EPHA3: variants seen among roughly 807,000 people sequenced by gnomAD.
EPHA3 encodes EPH receptor A3.
Under a neutral mutation model 107.1 loss-of-function variants are expected in EPHA3, and 42 were observed. The ratio of observed to expected loss-of-function variants is 0.39; its 90% CI spans 0.31 to 0.51. EPHA3 has a LOEUF of 0.51. Ranked by LOEUF, EPHA3 falls within the 20% of genes least tolerant of loss-of-function variation. The pLI is 0.78. For missense variants in EPHA3, 1,183 were observed against 1,211.2 expected (o/e 0.98, Z 0.35); for synonymous variants, 461 against 424.8 (o/e 1.09, Z -1.05).
chr3:89,308,114 G>A (rs1046091241), intron 3 of EPHA3, among the ~76,000 whole-genome samples: 1 of 152,028 alleles, frequency 6.6e-6, no homozygotes, highest in African/African-American at 2.4e-5. Context: ...TAATGGTTGA[G>A]TGTGCATTAT....
chr3:89,422,361 A>T (rs1272000912), intron 11 of EPHA3, among the ~76,000 whole-genome samples: 2 of 151,458 alleles, frequency 1.3e-5, no homozygotes, highest in African/African-American at 4.8e-5. Flanking sequence ...ATGCACACAC[A>T]CACACACAAC....
chr3:89,177,921 C>G (rs1359202223), intron 2 of EPHA3, among the ~76,000 whole-genome samples: 2 of 152,066 alleles, frequency 1.3e-5, no homozygotes, highest in Non-Finnish European at 2.9e-5. Context: ...TTACTACACT[C>G]AGAATTTTCC....
intron 9 of EPHA3, among the ~76,000 whole-genome samples, chr3:89,412,645 T>C (rs1709176944): frequency 6.6e-6 from 1 of 151,762 alleles, no homozygotes. Context: ...TGTCAGAAGG[T>C]ATGCCATTAT....
intron 2 of EPHA3, among the ~76,000 whole-genome samples, chr3:89,138,031 G>A (rs986604966): frequency 6.6e-6 from 1 of 151,856 alleles, no homozygotes; most frequent in Non-Finnish European, 1.5e-5. Context: ...GGATTGCTGT[G>A]TTAGAAGATC....
At chr3:89,269,670 T>C (rs1361509296) in intron 3 of EPHA3, among the ~76,000 whole-genome samples, 2 of 151,038 alleles carry the variant, frequency 1.3e-5, no homozygotes, top group African/African-American at 4.9e-5. Flanking sequence ...TAGTTACACA[T>C]GTATACATGT....
chr3:89,300,098 G>A (rs930923683), intron 3 of EPHA3, among the ~76,000 whole-genome samples: 2 of 151,878 alleles, frequency 1.3e-5, no homozygotes, highest in Admixed American at 6.6e-5. Flanking sequence ...TTATGTCTTC[G>A]ATAATTGGGA....
chr3:89,470,996 T>G (rs1365116007), intron 15 of EPHA3, among the ~76,000 whole-genome samples: 1 of 152,192 alleles, frequency 6.6e-6, no homozygotes, highest in Non-Finnish European at 1.5e-5. Context: ...AACAAGGGCC[T>G]TAAAAACTTA....
intron 15 of EPHA3, among the ~76,000 whole-genome samples, chr3:89,455,947 A>T (rs1208101291): frequency 6.6e-6 from 1 of 151,984 alleles, no homozygotes; most frequent in Admixed American, 6.6e-5. Context: ...TTCTCAATAA[A>T]CTCTAAGCCC....
rs1349043373 is a variant in EPHA3 at position 89,116,927 on chromosome 3, A to AT, written c.88+9098dup. On this transcript the variant is annotated intron_variant, in intron 1 of 16. Coordinates refer to ENST00000336596, the MANE Select transcript of EPHA3 (RefSeq NM_005233.6). ...TTGTTACTCATTTTCCTATTATTTG[A>AT]TTTTTTTATATTTATATTTGGGTTT... 5.9e-5 allele frequency among the ~76,000 whole-genome samples: 9 copies of AT among 151,660 alleles called. No homozygotes were observed. The Middle Eastern group carries it at 0.014, about 229-fold the overall frequency.
In EPHA3 at chr3:89,481,153, G is replaced by A. The variant is rs1046910882; in HGVS notation, c.*1651G>A. The A allele has an allele frequency of 4.3e-6, 1 of 232,066 alleles. No individual in the cohort carries two copies. Among genetic ancestry groups the A allele is most frequent in the African/African-American group, 2.2e-5 (1 of 45,312 alleles). 14.4% of individuals were successfully genotyped at this position (232,066 alleles called of 1,614,324 possible). A position where few individuals can be genotyped will look rare whatever the true frequency, so the allele number is the denominator to read the frequency against. On this transcript the variant is annotated 3_prime_UTR_variant, in exon 17 of 17. Transcript: ENST00000336596. ...GATAAAATAATGCTGCAAACTTAAT[G>A]TTCTTATGCAAAATGGAACGCTAAT...
intron 2 of EPHA3, among the ~76,000 whole-genome samples, chr3:89,185,096 T>C (rs1299681540): frequency 6.6e-6 from 1 of 152,056 alleles, no homozygotes; most frequent in Non-Finnish European, 1.5e-5. Flanking sequence ...ACTGGGCACC[T>C]GTAATCAAAG....
At chr3:89,334,375 C>T (rs947956997) in intron 3 of EPHA3, among the ~76,000 whole-genome samples, 1 of 152,134 alleles carries the variant, frequency 6.6e-6, no homozygotes, top group Non-Finnish European at 1.5e-5. Flanking sequence ...ATTTCAATGG[C>T]TAATTTTAAT....
intron 3 of EPHA3, among the ~76,000 whole-genome samples, chr3:89,226,441 G>A (rs937231052): frequency 4.6e-5 from 7 of 152,040 alleles, no homozygotes; most frequent in African/African-American, 7.2e-5. Flanking sequence ...TTTCCTAAAC[G>A]TTCCAGGAAT....
chr3:89,468,871 T>A (rs1710342482), intron 15 of EPHA3, among the ~76,000 whole-genome samples: 1 of 152,170 alleles, frequency 6.6e-6, no homozygotes, highest in South Asian at 2.1e-4. Context: ...ACTCAAGTTC[T>A]TAGGAAAAGA....
At chr3:89,123,543 T>C (rs1707438444) in intron 1 of EPHA3, among the ~76,000 whole-genome samples, 1 of 152,234 alleles carries the variant, frequency 6.6e-6, no homozygotes, top group Non-Finnish European at 1.5e-5. Flanking sequence ...AGTGCCCATC[T>C]GAAAGTCAAA....
chr3:89,240,559 G>T (rs1398531), intron 3 of EPHA3, among the ~76,000 whole-genome samples: 39,670 of 151,526 alleles, frequency 0.26, 5,443 homozygotes, highest in African/African-American at 0.31. Flanking sequence ...TAAAGTAGGA[G>T]GTTTTTATAT....
chr3:89,324,472 C>T (rs1576312207), intron 3 of EPHA3, among the ~76,000 whole-genome samples: 1 of 151,830 alleles, frequency 6.6e-6, no homozygotes, highest in Non-Finnish European at 1.5e-5. Context: ...AAGACATGAC[C>T]CACAGCTCCC....
At chr3:89,461,227 T>A (rs1710233946) in intron 15 of EPHA3, among the ~76,000 whole-genome samples, 2 of 108,534 alleles carry the variant, frequency 1.8e-5, no homozygotes, top group Non-Finnish European at 3.5e-5. Flanking sequence ...AGTCTATCAT[T>A]GTTGGACATT....
At chr3:89,283,210 A>G (rs116743101) in intron 3 of EPHA3, among the ~76,000 whole-genome samples, 1 of 152,146 alleles carries the variant, frequency 6.6e-6, no homozygotes, top group Admixed American at 6.5e-5. Context: ...AAGTGAAAAA[A>G]GTTTAAACTG....
Sources: gnomAD v4.1 joint callset for allele counts (sites outside exome capture counted in the v4.1 genomes callset) on GRCh38, gnomAD v4.1.1 for gene constraint, MANE v1.5 for transcripts, NCBI Gene and HGNC (gene_info 2026-07-23, HGNC 2026-07-21) for gene names.